STX3: variants seen among roughly 807,000 people sequenced by gnomAD.
STX3 encodes syntaxin 3.
A neutral mutation model predicts 40.2 loss-of-function variants in STX3; 19 were observed. The observed-to-expected ratio is 0.47, with a 90% CI of 0.33 to 0.69. The LOEUF is 0.69. STX3 is among the 30% of genes least tolerant of loss of function. The pLI, the probability that STX3 is intolerant of heterozygous loss-of-function variation, is 0.02. For missense variants in STX3, 364 were observed against 366.7 expected (o/e 0.99, Z 0.06); for synonymous variants, 122 against 132.2 (o/e 0.92, Z 0.53).
At chr11:59,759,950 G>A (rs1050071041) in intron 1 of STX3, among the ~76,000 whole-genome samples, 8 of 152,138 alleles carry the variant, frequency 5.3e-5, no homozygotes, top group African/African-American at 1.9e-4. Context: ...ACCAATCTGC[G>A]CTTCACTGAG....
intron 4 of STX3, chr11:59,789,153 A>G (rs1864959665): frequency 2.3e-6 from 1 of 438,344 alleles, no homozygotes; most frequent in South Asian, 2.8e-5. Flanking sequence ...TACTGGAAAG[A>G]GTCCAGAATT....
rs553152926 is a variant in STX3, at chr11:59,800,432, C to G, written c.*31-423C>G. 8.1e-5 allele frequency: 80 copies of G among 985,378 alleles called. 1 individual carries two copies. The African/African-American group carries it at 1.4e-3, about 17-fold the overall frequency. The allele number at this position is 985,378 out of a possible 1,614,324, so 61.0% of individuals were successfully genotyped here. A position where few individuals can be genotyped will look rare whatever the true frequency, so the allele number is the denominator to read the frequency against. On this transcript the variant is annotated intron_variant, in intron 10 of 10. Coordinates refer to ENST00000337979, the MANE Select transcript of STX3 (RefSeq NM_004177.5). The stretch of plus-strand genomic sequence containing the variant: ...CATAATATGACCCCTGAACTTTTTC[C>G]ATAGGCTTTTCATTGTGTCCTTCTG...
At chr11:59,782,447 T>C (rs1864452804) in intron 2 of STX3, among the ~76,000 whole-genome samples, 1 of 152,270 alleles carries the variant, frequency 6.6e-6, no homozygotes, top group Non-Finnish European at 1.5e-5. Context: ...TAACATTTAT[T>C]GAACATGTAC....
Position 59,773,232 on chromosome 11 carries a change from G to C in STX3, c.52G>C (p.Asp18His). 6.2e-7 allele frequency: 1 copy of C among 1,614,158 alleles called. No homozygotes were observed. Residue 18 changes from aspartate to histidine, a missense_variant, in exon 2 of 11, where the codon GAT (aspartate) becomes CAT (histidine). By Grantham distance (81) the Asp-to-His change is moderately conservative. Coordinates refer to ENST00000337979, the MANE Select transcript of STX3 (RefSeq NM_004177.5). ...GCAGAAGCAGCTGACACAGGATGAT[G>C]ATACTGATGCGGTTGAGATTGCTAT... ...LKAKQLTQDD[D>H]TDAVEIAIDN...
intron 2 of STX3, among the ~76,000 whole-genome samples, chr11:59,785,583 G>A (rs1864702293): frequency 6.6e-6 from 1 of 152,018 alleles, no homozygotes; most frequent in African/African-American, 2.4e-5. Context: ...TGCCTGCCTC[G>A]GCCTCTCAAA....
intron 1 of STX3, among the ~76,000 whole-genome samples, chr11:59,768,107 A>G (rs1197838577): frequency 6.6e-6 from 1 of 152,220 alleles, no homozygotes; most frequent in Admixed American, 6.5e-5. Flanking sequence ...GGCAGATAGC[A>G]TATATTTTTT....
At chr11:59,783,143 A>G (rs1864520065) in intron 2 of STX3, among the ~76,000 whole-genome samples, 1 of 152,228 alleles carries the variant, frequency 6.6e-6, no homozygotes, top group African/African-American at 2.4e-5. Context: ...TTTTGTAAAA[A>G]GCTTTCTATA....
chr11:59,781,613 G>A (rs1205229085), intron 2 of STX3: 11 of 1,613,512 alleles, frequency 6.8e-6, no homozygotes, highest in Admixed American at 1.7e-5. Context: ...TGGCCATTGC[G>A]CCCATTTTTC....
At chr11:59,778,831 CTTTTTTT>C (rs112512362) in intron 2 of STX3, among the ~76,000 whole-genome samples, 2 of 125,808 alleles carry the variant, frequency 1.6e-5, no homozygotes, top group African/African-American at 3.0e-5. Context: ...TTTTCTTTTC[CTTTTTTT>C]TTTTTTTTTT....
chr11:59,773,648 T>G (rs555238886), intron 2 of STX3, among the ~76,000 whole-genome samples: 65 of 152,148 alleles, frequency 4.3e-4, no homozygotes, highest in Non-Finnish European at 8.1e-4. Flanking sequence ...ACATTGCATC[T>G]TTAGGCTTGT....
chr11:59,781,100 T>TTTTTTTTTAAATA (rs963410109), intron 2 of STX3, among the ~76,000 whole-genome samples: 1 of 146,308 alleles, frequency 6.8e-6, no homozygotes, highest in African/African-American at 2.6e-5. Context: ...TTTTTTTTTT[T>TTTTTTTTTAAATA]TATATTAGCA....
intron 1 of STX3, among the ~76,000 whole-genome samples, chr11:59,770,419 G>A (rs773404523): frequency 6.6e-6 from 1 of 151,820 alleles, no homozygotes; most frequent in Non-Finnish European, 1.5e-5. Context: ...GTGGGTATAT[G>A]TATGTATACA....
intron 1 of STX3, among the ~76,000 whole-genome samples, chr11:59,759,636 A>G (rs1359533930): frequency 1.3e-5 from 2 of 152,178 alleles, no homozygotes; most frequent in East Asian, 3.9e-4. Context: ...CGTGGATGTA[A>G]TGGCCCTTCA....
At chr11:59,774,664 G>C (rs1050809854) in intron 2 of STX3, among the ~76,000 whole-genome samples, 2 of 151,938 alleles carry the variant, frequency 1.3e-5, no homozygotes, top group African/African-American at 4.8e-5. Flanking sequence ...AACCCTGTCT[G>C]TACTAAACAT....
Position 59,802,586 on chromosome 11 carries a change from G to A in STX3, c.*1762G>A. On this transcript the variant is annotated 3_prime_UTR_variant, in exon 11 of 11. Coordinates refer to ENST00000337979, the MANE Select transcript of STX3 (RefSeq NM_004177.5). The stretch of plus-strand genomic sequence containing the variant: ...TGCTCTCCTCTGACATTGAGGCCTG[G>A]GGCTTACAGTTTGGAATACAACATG... 1 of 985,786 alleles carries A rather than the reference G, an allele frequency of 1.0e-6. No homozygotes were observed. The highest frequency in any genetic ancestry group is 1.2e-6 in the Non-Finnish European group (1 of 829,924). 61.1% of individuals were successfully genotyped at this position (985,786 alleles called of 1,614,324 possible). A position where few individuals can be genotyped will look rare whatever the true frequency, so the allele number is the denominator to read the frequency against.
chr11:59,801,887 A>G lies in STX3; in HGVS notation c.*1063A>G, dbSNP rs1565196577. On this transcript the variant is annotated 3_prime_UTR_variant, in exon 11 of 11. Transcript: ENST00000337979. ...GTAAAGGACATTTGCTTACCTGCAA[A>G]TGAATCACTGTGGAAATGTGATCTT... 3 of 985,564 alleles carry G rather than the reference A, an allele frequency of 3.0e-6. No homozygotes were observed. The highest frequency in any genetic ancestry group is 3.6e-6 in the Non-Finnish European group (3 of 829,916). The allele number at this position is 985,564 out of a possible 1,614,324, so 61.1% of individuals were successfully genotyped here. A position where few individuals can be genotyped will look rare whatever the true frequency, so the allele number is the denominator to read the frequency against.
At chr11:59,763,736 G>A (rs765816866) in intron 1 of STX3, among the ~76,000 whole-genome samples, 2 of 152,176 alleles carry the variant, frequency 1.3e-5, no homozygotes, top group African/African-American at 2.4e-5. Context: ...ATAAATGATC[G>A]GCCGGGCGCG....
In STX3 at chr11:59,781,211, A is replaced by G. The variant is rs559842860; in HGVS notation, c.115-5826A>G. 4.8e-4 allele frequency: 364 copies of G among 752,888 alleles called. 3 individuals are homozygous for G. Among genetic ancestry groups the G allele is most frequent in the South Asian group, 1.3e-3 (73 of 57,798 alleles). 46.6% of individuals were successfully genotyped at this position (752,888 alleles called of 1,614,324 possible). On this transcript the variant is annotated intron_variant, in intron 2 of 10. Transcript: ENST00000337979. ...GTTTATGATAAAGATAATTGAACAC[A>G]GTAATGAAAAAAAAAAGAAAGAAAC... is the stretch of plus-strand genomic sequence containing the variant.
chr11:59,767,225 G>T (rs1863324413), intron 1 of STX3, among the ~76,000 whole-genome samples: 1 of 152,182 alleles, frequency 6.6e-6, no homozygotes, highest in Non-Finnish European at 1.5e-5. Flanking sequence ...CCAGGTTGGA[G>T]TTCAGTGTTG....
Sources: allele counts gnomAD v4.1 joint callset (sites outside exome capture counted in the v4.1 genomes callset), GRCh38; gene constraint gnomAD v4.1.1; transcripts MANE v1.5; gene names NCBI Gene and HGNC (gene_info 2026-07-23, HGNC 2026-07-21).